SLC16A10: variants seen among roughly 807,000 people sequenced by gnomAD.
SLC16A10 encodes solute carrier family 16 member 10, also known as monocarboxylate transporter 10.
A neutral mutation model predicts 40.0 loss-of-function variants in SLC16A10; 27 were observed. That is an observed-to-expected ratio of 0.67 (90% CI 0.50 to 0.93). SLC16A10 has a LOEUF of 0.93. SLC16A10 is among the 40% of genes least tolerant of loss of function. The pLI, the probability that SLC16A10 is intolerant of heterozygous loss-of-function variation, is 0.00. For missense variants in SLC16A10, 529 were observed against 658.2 expected (o/e 0.80, Z 2.15); for synonymous variants, 213 against 249.8 (o/e 0.85, Z 1.39).
In SLC16A10 at chr6:111,222,855, A is replaced by C. The variant is rs1422595255; in HGVS notation, c.*620A>C. 1 of 152,496 alleles carries C rather than the reference A, an allele frequency of 6.6e-6. No homozygotes were observed. The highest frequency in any genetic ancestry group is 1.5e-5 in the Non-Finnish European group (1 of 68,314). 9.4% of individuals were successfully genotyped at this position (152,496 alleles called of 1,614,324 possible). On this transcript the variant is annotated 3_prime_UTR_variant, in exon 6 of 6. Coordinates refer to ENST00000368851, the MANE Select transcript of SLC16A10 (RefSeq NM_018593.5). ...GTTCAGAATCAATATGTGAGATGAA[A>C]AGGATCCCCTCCAGGAGGATCCTGA...
chr6:111,143,355 T>G (rs995395933), intron 1 of SLC16A10, among the ~76,000 whole-genome samples: 13 of 152,084 alleles, frequency 8.5e-5, no homozygotes, highest in African/African-American at 3.1e-4. Flanking sequence ...GGATTATAAG[T>G]GTGAGCCACT....
At chr6:111,122,815 C>T (rs969567441) in intron 1 of SLC16A10, among the ~76,000 whole-genome samples, 1 of 152,204 alleles carries the variant, frequency 6.6e-6, no homozygotes, top group Non-Finnish European at 1.5e-5. Context: ...CCCTGCCCTT[C>T]AGGCACTGAA....
intron 1 of SLC16A10, among the ~76,000 whole-genome samples, chr6:111,101,000 A>C (rs1022127850): frequency 1.7e-3 from 214 of 127,752 alleles, no homozygotes; most frequent in South Asian, 3.0e-3. Flanking sequence ...CTCTATATAT[A>C]TATATATATA....
chr6:111,106,240 G>A (rs1583305647), intron 1 of SLC16A10, among the ~76,000 whole-genome samples: 1 of 152,192 alleles, frequency 6.6e-6, no homozygotes, highest in East Asian at 1.9e-4. Flanking sequence ...GAAGAGACTT[G>A]ATAGTAGTAA....
At chr6:111,191,012 T>C (rs1772981256) in intron 3 of SLC16A10, among the ~76,000 whole-genome samples, 1 of 152,222 alleles carries the variant, frequency 6.6e-6, no homozygotes, top group Non-Finnish European at 1.5e-5. Context: ...GGTTTTTCTT[T>C]TTCTTCTTCC....
chr6:111,218,777 C>T (rs1023485861), intron 4 of SLC16A10, 37 bp from the exon 5 acceptor site: 32 of 1,560,718 alleles, frequency 2.1e-5, no homozygotes, highest in African/African-American at 2.7e-5. Context: ...ACATTTGCTT[C>T]CTGCGAGCGG....
At chr6:111,098,395 T>TA (rs1771114728) in intron 1 of SLC16A10, among the ~76,000 whole-genome samples, 1 of 152,224 alleles carries the variant, frequency 6.6e-6, no homozygotes, top group Non-Finnish European at 1.5e-5. Flanking sequence ...CCATCTCTAC[T>TA]TTTAATTAAA....
intron 1 of SLC16A10, among the ~76,000 whole-genome samples, chr6:111,104,224 G>T (rs1771241877): frequency 6.6e-6 from 1 of 152,170 alleles, no homozygotes; most frequent in Non-Finnish European, 1.5e-5. Flanking sequence ...TCTGAAGAGG[G>T]TTTCTAAGTA....
intron 3 of SLC16A10, among the ~76,000 whole-genome samples, chr6:111,204,672 G>T (rs1235926497): frequency 1.3e-5 from 2 of 152,188 alleles, no homozygotes; most frequent in Non-Finnish European, 2.9e-5. Context: ...CAGGCCTAAT[G>T]CAGTTTGCAG....
At chr6:111,188,995 AATT>A (rs1283373215) in intron 3 of SLC16A10, among the ~76,000 whole-genome samples, 1 of 152,158 alleles carries the variant, frequency 6.6e-6, no homozygotes, top group African/African-American at 2.4e-5. Flanking sequence ...TGGCAACCTT[AATT>A]ATTGTTGTTT....
intron 3 of SLC16A10, among the ~76,000 whole-genome samples, chr6:111,191,721 G>A (rs1417819349): frequency 3.3e-5 from 5 of 152,128 alleles, no homozygotes; most frequent in Admixed American, 3.3e-4. Flanking sequence ...TCTAACTGGC[G>A]TGAGATAGTA....
chr6:111,218,302 A>G (rs774099160), intron 4 of SLC16A10, among the ~76,000 whole-genome samples: 3 of 152,114 alleles, frequency 2.0e-5, no homozygotes, highest in Non-Finnish European at 2.9e-5. Context: ...ATTTTCGGCC[A>G]GGCGCTGTGG....
At chr6:111,187,657 T>C (rs1772921702) in intron 3 of SLC16A10, among the ~76,000 whole-genome samples, 1 of 152,174 alleles carries the variant, frequency 6.6e-6, no homozygotes, top group Admixed American at 6.6e-5. Flanking sequence ...ACAGAATGTG[T>C]ATGTAGAAAC....
chr6:111,206,593 T>G lies in SLC16A10; in HGVS notation c.944T>G (p.Met315Arg). 1 of 1,614,012 alleles carries G rather than the reference T, an allele frequency of 6.2e-7. No individual in the cohort carries two copies. The highest frequency in any genetic ancestry group is 8.5e-7 in the Non-Finnish European group (1 of 1,179,968). Residue 315 changes from methionine (M) to arginine (R), a missense_variant and splice_region_variant, in exon 4 of 6, where the codon ATG becomes AGG. Transcript: ENST00000368851. Reference sequence around the variant, plus strand: ...GGTTTCTTTCTCTTTGGCCTATAGATGAAACATGTAAATGAAAGATTTCAA... The same window carrying G: ...GGTTTCTTTCTCTTTGGCCTATAGAGGAAACATGTAAATGAAAGATTTCAA... ...FGYFVPYVHL[M>R]KHVNERFQDE...
chr6:111,105,385 A>C (rs1456372869), intron 1 of SLC16A10, among the ~76,000 whole-genome samples: 1 of 152,186 alleles, frequency 6.6e-6, no homozygotes, highest in Non-Finnish European at 1.5e-5. Context: ...TATCTAGGAG[A>C]GCTACTATAA....
chr6:111,089,417 C>A (rs1770932904), intron 1 of SLC16A10, among the ~76,000 whole-genome samples: 1 of 152,164 alleles, frequency 6.6e-6, no homozygotes, highest in Non-Finnish European at 1.5e-5. Flanking sequence ...TATGCATTCT[C>A]CCTCTGATGG....
intron 3 of SLC16A10, among the ~76,000 whole-genome samples, chr6:111,184,561 A>G (rs2114557060): frequency 6.6e-6 from 1 of 151,396 alleles, no homozygotes; most frequent in African/African-American, 2.4e-5. Flanking sequence ...GGCTCACTGC[A>G]ACCTTCACCT....
At chr6:111,105,082 A>C (rs1771260128) in intron 1 of SLC16A10, among the ~76,000 whole-genome samples, 1 of 152,020 alleles carries the variant, frequency 6.6e-6, no homozygotes, top group Non-Finnish European at 1.5e-5. Flanking sequence ...ACTGCTAAAG[A>C]CTTTTGGCAT....
At chr6:111,140,837 G>A (rs1253425564) in intron 1 of SLC16A10, among the ~76,000 whole-genome samples, 2 of 152,080 alleles carry the variant, frequency 1.3e-5, no homozygotes, top group Non-Finnish European at 2.9e-5. Context: ...CAAGGCTGGA[G>A]TGCAGTGATG....
Sources: allele counts gnomAD v4.1 joint callset (sites outside exome capture counted in the v4.1 genomes callset), GRCh38; gene constraint gnomAD v4.1.1; transcripts MANE v1.5; gene names NCBI Gene and HGNC (gene_info 2026-07-23, HGNC 2026-07-21).